CDH4: variants seen among roughly 807,000 people sequenced by gnomAD.
CDH4 encodes cadherin-4.
Under a neutral mutation model 86.0 loss-of-function variants are expected in CDH4, and 33 were observed. That is an observed-to-expected ratio of 0.38 (90% CI 0.29 to 0.51). The LOEUF is 0.51. Ranked by LOEUF, CDH4 falls within the 20% of genes least tolerant of loss-of-function variation. The pLI, the probability that CDH4 is intolerant of heterozygous loss-of-function variation, is 0.86. For missense variants in CDH4, 1,114 were observed against 1,307.4 expected (o/e 0.85, Z 2.28); for synonymous variants, 555 against 549.4 (o/e 1.01, Z -0.14).
chr20:61,889,865 AGATG>A (rs368716079), intron 7 of CDH4, among the ~76,000 whole-genome samples: 10 of 143,966 alleles, frequency 6.9e-5, no homozygotes, highest in African/African-American at 1.3e-4. Flanking sequence ...ATGGATGGAT[AGATG>A]GATGGTGGAT....
intron 5 of CDH4, among the ~76,000 whole-genome samples, chr20:61,850,700 G>T (rs940384284): frequency 6.6e-6 from 1 of 152,266 alleles, no homozygotes; most frequent in Non-Finnish European, 1.5e-5. Context: ...TTTGCAGGTT[G>T]CAGAACGCTC....
intron 2 of CDH4, among the ~76,000 whole-genome samples, chr20:61,258,501 C>T (rs1326661911): frequency 6.6e-6 from 1 of 152,148 alleles, no homozygotes; most frequent in Non-Finnish European, 1.5e-5. Context: ...CATTATCTGG[C>T]CAATCATCTC....
chr20:61,790,652 TCCATTCACCCAC>T (rs1349923074), intron 4 of CDH4, among the ~76,000 whole-genome samples: 2 of 150,584 alleles, frequency 1.3e-5, no homozygotes, highest in South Asian at 2.1e-4. Flanking sequence ...CATTCACCCA[TCCATTCACCCAC>T]CCACCATCCA....
intron 2 of CDH4, among the ~76,000 whole-genome samples, chr20:61,561,057 C>G (rs1388575908): frequency 6.6e-6 from 1 of 152,216 alleles, no homozygotes. Context: ...CAGGCAAAGC[C>G]TCTGAGGTGC....
chr20:61,732,003 T>C (rs529955885), intron 2 of CDH4, among the ~76,000 whole-genome samples: 1 of 152,208 alleles, frequency 6.6e-6, no homozygotes, highest in East Asian at 1.9e-4. Context: ...GCCACCACCT[T>C]CAGAAACCTT....
rs867932385 is a variant in CDH4, at chr20:61,731,093, G to A, written c.170-12470G>A. On this transcript the variant is annotated intron_variant, in intron 2 of 15. Transcript: ENST00000614565. The stretch of plus-strand genomic sequence containing the variant: ...GGAGTTCAGGAGAAGGATCTGCACC[G>A]GGAGATGTCCTGGGGCCCATCACGG... Among the ~76,000 whole-genome samples, 148 of 152,128 alleles carry A rather than the reference G, an allele frequency of 9.7e-4. 1 individual carries two copies. Among genetic ancestry groups the A allele is most frequent in the African/African-American group, 3.4e-3 (140 of 41,508 alleles).
chr20:61,705,516 C>CA (rs1347399444), intron 2 of CDH4, among the ~76,000 whole-genome samples: 1 of 152,238 alleles, frequency 6.6e-6, no homozygotes, highest in Admixed American at 6.5e-5. Context: ...CTTTCAATCT[C>CA]AGAGTCCTCG....
intron 2 of CDH4, among the ~76,000 whole-genome samples, chr20:61,539,189 G>A (rs949697811): frequency 6.6e-6 from 1 of 152,156 alleles, no homozygotes; most frequent in Non-Finnish European, 1.5e-5. Context: ...GCTGCCTCTG[G>A]CCTCCTGTTC....
chr20:61,692,289 G>C (rs1449540605), intron 2 of CDH4, among the ~76,000 whole-genome samples: 2 of 151,662 alleles, frequency 1.3e-5, no homozygotes, highest in East Asian at 1.9e-4. Context: ...GTGTGTGTGT[G>C]TGTCTGTGTG....
intron 2 of CDH4, among the ~76,000 whole-genome samples, chr20:61,741,640 C>A (rs375717266): frequency 6.6e-6 from 1 of 152,060 alleles, no homozygotes; most frequent in Admixed American, 6.6e-5. Flanking sequence ...TACAGGCACC[C>A]GCCACCACGC....
chr20:61,359,154 C>T (rs1207803655), intron 2 of CDH4, among the ~76,000 whole-genome samples: 1 of 152,182 alleles, frequency 6.6e-6, no homozygotes, highest in Non-Finnish European at 1.5e-5. Flanking sequence ...AGTGACTTCT[C>T]ATCTTGGCTT....
intron 2 of CDH4, among the ~76,000 whole-genome samples, chr20:61,300,108 G>T (rs566085536): frequency 2.0e-5 from 3 of 152,072 alleles, no homozygotes; most frequent in African/African-American, 7.2e-5. Flanking sequence ...AAACAGAGAC[G>T]TCCAGCCTGC....
intron 2 of CDH4, among the ~76,000 whole-genome samples, chr20:61,677,550 A>C (rs1568749848): frequency 6.6e-6 from 1 of 152,022 alleles, no homozygotes; most frequent in Non-Finnish European, 1.5e-5. Flanking sequence ...AGATTTTTTT[A>C]CTCATTCAGA....
rs560821914 is a variant in CDH4, at chr20:61,291,127, C to T, written c.169+36190C>T. On this transcript the variant is annotated intron_variant, in intron 2 of 15. Transcript: ENST00000614565. ...CCTTGGCAGTCCCTGCGAGTGAGAACCTCTCTTTTCCAGTCATCCTCCCCC... is the reference window on the plus strand; with the variant it reads ...CCTTGGCAGTCCCTGCGAGTGAGAATCTCTCTTTTCCAGTCATCCTCCCCC... Among the ~76,000 whole-genome samples, 5 of 152,270 alleles carry T rather than the reference C, an allele frequency of 3.3e-5. No individual in the cohort carries two copies. The South Asian group carries it at 1.0e-3, about 32-fold the overall frequency.
At chr20:61,374,152 G>A (rs1227175996) in intron 2 of CDH4, among the ~76,000 whole-genome samples, 1 of 152,194 alleles carries the variant, frequency 6.6e-6, no homozygotes, top group Non-Finnish European at 1.5e-5. Flanking sequence ...GTTGGCAGTA[G>A]CACCTATAGG....
At chr20:61,261,519 T>C (rs550688231) in intron 2 of CDH4, among the ~76,000 whole-genome samples, 10 of 152,372 alleles carry the variant, frequency 6.6e-5, no homozygotes, top group African/African-American at 1.9e-4. Context: ...ACAAAAGCCC[T>C]TCCAGGGAGG....
intron 4 of CDH4, among the ~76,000 whole-genome samples, chr20:61,840,282 A>G (rs1982101659): frequency 6.6e-6 from 1 of 152,082 alleles, no homozygotes; most frequent in Non-Finnish European, 1.5e-5. Flanking sequence ...TCCCTCCCCC[A>G]GAATCTGGGT....
Position 61,923,695 on chromosome 20 carries a change from A to G in CDH4, c.1619A>G (p.Gln540Arg), listed in dbSNP as rs1222410963. The G allele has an allele frequency of 6.2e-7, 1 of 1,613,322 alleles. No homozygotes were observed. The highest frequency in any genetic ancestry group is 1.3e-5 in the African/African-American group (1 of 74,948). ...SAVDPDRFMQ[Q>R]AVRYSKLSDP... is the part of the protein sequence containing the mutation. Reference sequence around the variant, plus strand: ...GTGGACCCTGACCGGTTCATGCAGCAGGCTGTGAGGTGGGTGCACAGGACA... The same window carrying G: ...GTGGACCCTGACCGGTTCATGCAGCGGGCTGTGAGGTGGGTGCACAGGACA... The change falls in exon 10 of 16, where the codon CAG becomes CGG. Residue 540 changes from glutamine to arginine, a missense_variant. Coordinates refer to ENST00000614565, the MANE Select transcript of CDH4 (RefSeq NM_001794.5).
intron 2 of CDH4, chr20:61,437,290 A>G (rs951065556): frequency 2.0e-5 from 3 of 152,132 alleles, no homozygotes; most frequent in Non-Finnish European, 4.4e-5. Context: ...CTTGATGCAC[A>G]TTTCTTTTTC....
Sources: allele counts gnomAD v4.1 joint callset (sites outside exome capture counted in the v4.1 genomes callset), GRCh38; gene constraint gnomAD v4.1.1; transcripts MANE v1.5; gene names NCBI Gene and HGNC (gene_info 2026-07-23, HGNC 2026-07-21).